The following KIF26B variants were observed in gnomAD, a reference collection of about 807,000 sequenced individuals.
KIF26B encodes the protein kinesin-like protein KIF26B.
Under a neutral mutation model 151.2 loss-of-function variants are expected in KIF26B, and 63 were observed. The observed-to-expected ratio is 0.42, with a 90% CI of 0.34 to 0.51. The LOEUF (loss-of-function observed/expected upper bound fraction) is 0.51. KIF26B is among the 20% of genes least tolerant of loss of function. KIF26B has a pLI of 0.07. For synonymous variants in KIF26B, 1,357 were observed against 1,262.1 expected (o/e 1.08, Z -1.59); for missense variants, 2,813 against 2,913.6 (o/e 0.97, Z 0.79).
intron 2 of KIF26B, among the ~76,000 whole-genome samples, chr1:245,280,643 G>A (rs1271186512): frequency 1.8e-4 from 20 of 110,926 alleles, no homozygotes; most frequent in African/African-American, 6.9e-4. Context: ...TAGGGTACAT[G>A]TGCACGTTGT....
intron 2 of KIF26B, among the ~76,000 whole-genome samples, chr1:245,326,767 A>G (rs1319094000): frequency 1.3e-5 from 2 of 152,198 alleles, no homozygotes; most frequent in Admixed American, 6.5e-5. Flanking sequence ...CCTAAGAATC[A>G]TACTCGGGAT....
intron 2 of KIF26B, among the ~76,000 whole-genome samples, chr1:245,289,101 C>T (rs1366874192): frequency 6.6e-6 from 1 of 152,152 alleles, no homozygotes; most frequent in African/African-American, 2.4e-5. Context: ...TGATGACTAA[C>T]AGTAGGTATC....
intron 2 of KIF26B, among the ~76,000 whole-genome samples, chr1:245,307,796 G>A (rs1040928527): frequency 2.7e-4 from 41 of 149,956 alleles, no homozygotes; most frequent in African/African-American, 5.1e-4. Flanking sequence ...GCTGGAGTGC[G>A]GTGGCGCGAT....
Position 245,155,338 on chromosome 1 carries a change from T to C in KIF26B, c.-87T>C. ...CCCTGAGGGCTGAGAGCCAGCCCCC[T>C]GCAGCCGGGGGACGCTTCTGGGTTG... is the stretch of plus-strand genomic sequence containing the variant. On this transcript the variant is annotated 5_prime_UTR_variant, in exon 1 of 15. Coordinates refer to ENST00000407071, the MANE Select transcript of KIF26B (RefSeq NM_018012.4). The C allele has an allele frequency of 8.8e-7, 1 of 1,141,676 alleles. No individual in the cohort carries two copies. Among genetic ancestry groups the C allele is most frequent in the Non-Finnish European group, 1.3e-6 (1 of 776,334 alleles). The allele number at this position is 1,141,676 out of a possible 1,614,324, so 70.7% of individuals were successfully genotyped here.
intron 4 of KIF26B, among the ~76,000 whole-genome samples, chr1:245,428,565 C>G (rs1053306293): frequency 6.6e-5 from 10 of 152,118 alleles, no homozygotes; most frequent in African/African-American, 1.9e-4. Context: ...CCCAGCAACC[C>G]CCAACTGTTC....
chr1:245,230,635 C>T (rs1416130831), intron 2 of KIF26B, among the ~76,000 whole-genome samples: 1 of 151,606 alleles, frequency 6.6e-6, no homozygotes, highest in African/African-American at 2.4e-5. Flanking sequence ...CCCAGCTACT[C>T]GGGAGGATGA....
At position 245,282,059 on chromosome 1, in the gene KIF26B, G is replaced by A. The variant is rs893436495; in HGVS notation, c.466-84775G>A. ...CAAGGGATGTGAAGGACCTCTTCAA[G>A]GAGAACTACAAACCACTGCTCAATG... is the stretch of plus-strand genomic sequence containing the variant. On this transcript the variant is annotated intron_variant, in intron 2 of 14. Coordinates refer to ENST00000407071, the MANE Select transcript of KIF26B (RefSeq NM_018012.4). Among the ~76,000 whole-genome samples the A allele has an allele frequency of 1.3e-5, 2 of 152,066 alleles. 1 individual carries two copies. Among genetic ancestry groups the A allele is most frequent in the Middle Eastern group, 6.3e-3 (2 of 316 alleles).
chr1:245,435,735 T>G (rs1324258187), intron 4 of KIF26B, among the ~76,000 whole-genome samples: 1 of 152,160 alleles, frequency 6.6e-6, no homozygotes, highest in Non-Finnish European at 1.5e-5. Flanking sequence ...ACTGTGGAAG[T>G]CTCTGCTCAG....
At chr1:245,382,861 C>A (rs1335811361) in intron 3 of KIF26B, among the ~76,000 whole-genome samples, 1 of 151,716 alleles carries the variant, frequency 6.6e-6, no homozygotes, top group Non-Finnish European at 1.5e-5. Flanking sequence ...AGCCACCACT[C>A]CTGGCTAGCA....
chr1:245,226,554 C>T (rs910238521), intron 2 of KIF26B, among the ~76,000 whole-genome samples: 6 of 152,038 alleles, frequency 3.9e-5, no homozygotes, highest in African/African-American at 1.5e-4. Context: ...CCTCCTTTTC[C>T]CAGGTTCTAA....
chr1:245,649,020 C>T (rs1451320768), intron 10 of KIF26B, among the ~76,000 whole-genome samples: 1 of 152,200 alleles, frequency 6.6e-6, no homozygotes, highest in Non-Finnish European at 1.5e-5. Context: ...GTGCTGGAAA[C>T]ACGGTGGCCC....
At chr1:245,234,183 T>TA (rs532088946) in intron 2 of KIF26B, among the ~76,000 whole-genome samples, 192 of 144,956 alleles carry the variant, frequency 1.3e-3, no homozygotes, top group Non-Finnish European at 1.6e-3. Context: ...GACTCCCTCT[T>TA]AAAAAAAAAA....
chr1:245,394,685 TTTC>T (rs1163867977), intron 3 of KIF26B, among the ~76,000 whole-genome samples: 33 of 108,508 alleles, frequency 3.0e-4, no homozygotes, highest in African/African-American at 2.0e-3. Context: ...AGTTTTTTTC[TTTC>T]TTTTTTTTTT....
At chr1:245,699,446 G>A (rs1056241746) in intron 14 of KIF26B, among the ~76,000 whole-genome samples, 9 of 149,406 alleles carry the variant, frequency 6.0e-5, no homozygotes, top group Middle Eastern at 7.0e-3. Flanking sequence ...TACAGTCCTC[G>A]AAAAGCCACG....
chr1:245,541,582 T>C (rs1661622970), intron 5 of KIF26B, among the ~76,000 whole-genome samples: 1 of 152,228 alleles, frequency 6.6e-6, no homozygotes, highest in Non-Finnish European at 1.5e-5. Flanking sequence ...TTGGGTGAAG[T>C]AACTTACGGT....
intron 2 of KIF26B, among the ~76,000 whole-genome samples, chr1:245,303,234 T>A (rs559300349): frequency 6.8e-6 from 1 of 147,784 alleles, no homozygotes. Flanking sequence ...AGTCTCGCTT[T>A]GTCGCCCAGG....
chr1:245,657,478 G>C (rs2044087818), intron 10 of KIF26B, among the ~76,000 whole-genome samples: 1 of 152,032 alleles, frequency 6.6e-6, no homozygotes, highest in South Asian at 2.1e-4. Flanking sequence ...ATTCCACATA[G>C]CTGCCAGAAG....
chr1:245,434,707 T>A (rs1658862024), intron 4 of KIF26B, among the ~76,000 whole-genome samples: 2 of 152,000 alleles, frequency 1.3e-5, no homozygotes, highest in Admixed American at 1.3e-4. Context: ...ACCCCAGCTC[T>A]CTTGTCTCTA....
chr1:245,293,112 G>C (rs1327070545), intron 2 of KIF26B, among the ~76,000 whole-genome samples: 1 of 152,184 alleles, frequency 6.6e-6, no homozygotes, highest in African/African-American at 2.4e-5. Flanking sequence ...AGTCTTGTGT[G>C]TGTGTATGTG....
Sources: allele counts gnomAD v4.1 joint callset (sites outside exome capture counted in the v4.1 genomes callset), GRCh38; gene constraint gnomAD v4.1.1; transcripts MANE v1.5; gene names NCBI Gene and HGNC (gene_info 2026-07-23, HGNC 2026-07-21).